Variants in RCOR1 observed in about 807,000 individuals in gnomAD.
RCOR1 encodes the protein REST corepressor 1.
RCOR1 carries 12 observed loss-of-function variants against 64.0 expected under a neutral mutation model. The ratio of observed to expected loss-of-function variants is 0.19; its 90% CI spans 0.12 to 0.30. The LOEUF (loss-of-function observed/expected upper bound fraction) is 0.30. RCOR1 is among the 10% of genes least tolerant of loss of function. RCOR1 has a pLI of 1.00. For missense variants in RCOR1, 502 were observed against 621.2 expected (o/e 0.81, Z 2.04); for synonymous variants, 279 against 227.2 (o/e 1.23, Z -2.05).
At position 102,728,309 on chromosome 14, in the gene RCOR1, G is replaced by A. The variant is rs987335486; in HGVS notation, c.*1803G>A. On this transcript the variant is annotated 3_prime_UTR_variant, in exon 12 of 12. Transcript: ENST00000262241. ...GCCTGGGAAGCATCAGAGGAGTCCCGGATTGCTGCTGCTACCTGGAGACAG... is the reference window on the plus strand; with the variant it reads ...GCCTGGGAAGCATCAGAGGAGTCCCAGATTGCTGCTGCTACCTGGAGACAG... 2 of 152,108 alleles carry A rather than the reference G, an allele frequency of 1.3e-5. No homozygotes were observed. The highest frequency in any genetic ancestry group is 2.9e-5 in the Non-Finnish European group (2 of 68,026). 9.4% of individuals were successfully genotyped at this position (152,108 alleles called of 1,614,324 possible). A position where few individuals can be genotyped will look rare whatever the true frequency, so the allele number is the denominator to read the frequency against.
chr14:102,678,096 G>C (rs1355013387), intron 2 of RCOR1, among the ~76,000 whole-genome samples: 8 of 151,218 alleles, frequency 5.3e-5, no homozygotes, highest in African/African-American at 1.2e-4. Flanking sequence ...GCAGGCACTC[G>C]GCAGGCTGAG....
intron 2 of RCOR1, among the ~76,000 whole-genome samples, chr14:102,627,089 C>T (rs955142860): frequency 7.9e-5 from 12 of 152,138 alleles, no homozygotes; most frequent in African/African-American, 2.9e-4. Flanking sequence ...CCTTATCCTC[C>T]CTTTATTTCA....
chr14:102,676,013 AC>A (rs200136422), intron 2 of RCOR1, among the ~76,000 whole-genome samples: 1,529 of 149,830 alleles, frequency 0.01, 16 homozygotes, highest in Admixed American at 0.015. Flanking sequence ...CGCATTGAAA[AC>A]ATCTGAATAT....
chr14:102,703,176 G>A lies in RCOR1; in HGVS notation c.498+1846G>A, dbSNP rs192550062. Among the ~76,000 whole-genome samples the A allele has an allele frequency of 6.6e-5, 10 of 152,310 alleles. No individual in the cohort carries two copies. The East Asian group carries it at 1.9e-3, about 29-fold the overall frequency. ...GAAATGATTTGAGTCTGAGCAGCAG[G>A]ATGAGAAAAGATTGAAGAGTGAACA... On this transcript the variant is annotated intron_variant, in intron 4 of 11. Transcript: ENST00000262241.
chr14:102,595,130 T>C (rs1170022341), intron 2 of RCOR1, among the ~76,000 whole-genome samples: 1 of 152,218 alleles, frequency 6.6e-6, no homozygotes, highest in Non-Finnish European at 1.5e-5. Flanking sequence ...ACAGCAAATA[T>C]AATATTTTGA....
chr14:102,707,591 T>C, intron 5 of RCOR1, 79 bp downstream of exon 5: 2 of 1,167,788 alleles, frequency 1.7e-6, no homozygotes, highest in Non-Finnish European at 2.4e-6. Flanking sequence ...GATAGGGATA[T>C]CATACTCAAA....
chr14:102,660,663 A>C (rs1275729380), intron 2 of RCOR1, among the ~76,000 whole-genome samples: 1 of 152,194 alleles, frequency 6.6e-6, no homozygotes, highest in Non-Finnish European at 1.5e-5. Flanking sequence ...CACTGTGCCC[A>C]GCCAAAATTA....
At chr14:102,696,808 CTTTTTTTT>C (rs71305075) in intron 3 of RCOR1, among the ~76,000 whole-genome samples, 4 of 57,404 alleles carry the variant, frequency 7.0e-5, no homozygotes, top group Non-Finnish European at 1.4e-4. Flanking sequence ...ATCTGCTTAT[CTTTTTTTT>C]TTTTTTTTTT....
intron 3 of RCOR1, among the ~76,000 whole-genome samples, chr14:102,683,169 G>A (rs1895340312): frequency 6.6e-6 from 1 of 152,054 alleles, no homozygotes; most frequent in Non-Finnish European, 1.5e-5. Context: ...CAGTTTTATT[G>A]TAAGCCCTGA....
At chr14:102,644,764 A>AG (rs1461748398) in intron 2 of RCOR1, among the ~76,000 whole-genome samples, 2 of 152,236 alleles carry the variant, frequency 1.3e-5, no homozygotes, top group Non-Finnish European at 2.9e-5. Flanking sequence ...AAGAGGAAAC[A>AG]GGAGGCACAG....
At chr14:102,614,700 TG>T (rs908524596) in intron 2 of RCOR1, among the ~76,000 whole-genome samples, 25 of 152,138 alleles carry the variant, frequency 1.6e-4, no homozygotes, top group African/African-American at 5.8e-4. Flanking sequence ...GCTGAGAGGT[TG>T]GGGGTGAGGC....
intron 11 of RCOR1, among the ~76,000 whole-genome samples, chr14:102,723,042 C>T (rs1257497775): frequency 6.6e-6 from 1 of 152,226 alleles, no homozygotes; most frequent in Non-Finnish European, 1.5e-5. Flanking sequence ...TGCCATTTCC[C>T]CATCTAGCCT....
At chr14:102,653,643 A>G (rs994718334) in intron 2 of RCOR1, among the ~76,000 whole-genome samples, 2 of 152,060 alleles carry the variant, frequency 1.3e-5, no homozygotes, top group African/African-American at 2.4e-5. Flanking sequence ...GGGGGTGGAT[A>G]TCCCCCTTGG....
At position 102,721,034 on chromosome 14, in the gene RCOR1, G is replaced by A; in HGVS notation, c.1081G>A (p.Ala361Thr). ...QIQNIKQTNS[A>T]LKEKLDGGIE... ...CCAGAATATTAAACAGACAAACAGTGCTCTCAAAGAAAAACTTGATGGTGG... is the reference window on the plus strand; with the variant it reads ...CCAGAATATTAAACAGACAAACAGTACTCTCAAAGAAAAACTTGATGGTGG... Residue 361 changes from alanine (A) to threonine (T), a missense_variant, in exon 9 of 12, where the codon GCT (alanine) becomes ACT (threonine). Transcript: ENST00000262241. The A allele has an allele frequency of 1.3e-6, 2 of 1,568,302 alleles. No homozygotes were observed. Among genetic ancestry groups the A allele is most frequent in the Admixed American group, 1.8e-5 (1 of 54,520 alleles).
chr14:102,675,748 A>T (rs1243168991), intron 2 of RCOR1, among the ~76,000 whole-genome samples: 2 of 152,234 alleles, frequency 1.3e-5, no homozygotes, highest in African/African-American at 4.8e-5. Flanking sequence ...AAAGAGTTCC[A>T]GCTCCTCCAA....
At chr14:102,621,483 C>T (rs1444796309) in intron 2 of RCOR1, among the ~76,000 whole-genome samples, 1 of 151,124 alleles carries the variant, frequency 6.6e-6, no homozygotes, top group Non-Finnish European at 1.5e-5. Flanking sequence ...TCAAATGATC[C>T]TCCCACCTTG....
chr14:102,599,219 G>A (rs1204413660), intron 2 of RCOR1, among the ~76,000 whole-genome samples: 1 of 151,788 alleles, frequency 6.6e-6, no homozygotes, highest in East Asian at 1.9e-4. Context: ...AACCTCCTGG[G>A]CGCACACTAT....
intron 2 of RCOR1, among the ~76,000 whole-genome samples, chr14:102,616,204 ATATGTGTG>A (rs1456971549): frequency 1.2e-4 from 15 of 128,690 alleles, no homozygotes; most frequent in African/African-American, 4.5e-4. Flanking sequence ...ATACATGTGT[ATATGTGTG>A]TGTGTGTGTG....
intron 4 of RCOR1, among the ~76,000 whole-genome samples, chr14:102,704,984 A>G (rs1056927866): frequency 6.6e-6 from 1 of 151,932 alleles, no homozygotes; most frequent in African/African-American, 2.4e-5. Flanking sequence ...AAATTAGCCA[A>G]ACATGGTAGT....
Sources: allele counts gnomAD v4.1 joint callset (sites outside exome capture counted in the v4.1 genomes callset), GRCh38; gene constraint gnomAD v4.1.1; transcripts MANE v1.5; gene names NCBI Gene and HGNC (gene_info 2026-07-23, HGNC 2026-07-21).